The following CYP20A1 variants were observed in gnomAD, a reference collection of about 807,000 sequenced individuals.
CYP20A1 encodes cytochrome P450 20A1.
In CYP20A1, 61 loss-of-function variants were observed where a neutral mutation model predicts 61.4. The observed-to-expected ratio is 0.99, with a 90% CI of 0.81 to 1.23. The LOEUF (loss-of-function observed/expected upper bound fraction) is 1.23, where lower values mean the gene tolerates loss of function less well. Among genes scored for constraint, CYP20A1 ranks in the 50% most tolerant of loss-of-function variants. CYP20A1 has a pLI of 0.00. For missense variants in CYP20A1, 530 were observed against 542.4 expected (o/e 0.98, Z 0.23); for synonymous variants, 193 against 188.2 (o/e 1.03, Z -0.21).
intron 6 of CYP20A1, among the ~76,000 whole-genome samples, chr2:203,276,335 C>A (rs1316912874): frequency 6.6e-6 from 1 of 152,080 alleles, no homozygotes; most frequent in East Asian, 1.9e-4. Context: ...AAGCCACTGG[C>A]AGGTTTTGAG....
chr2:203,260,523 GT>G (rs917213866), intron 4 of CYP20A1, among the ~76,000 whole-genome samples: 1 of 151,736 alleles, frequency 6.6e-6, no homozygotes, highest in Non-Finnish European at 1.5e-5. Context: ...CGTCTGGCCT[GT>G]TTTTAATTTT....
At chr2:203,243,477 G>A (rs548144367) in intron 1 of CYP20A1, among the ~76,000 whole-genome samples, 4 of 151,448 alleles carry the variant, frequency 2.6e-5, no homozygotes, top group Admixed American at 1.3e-4. Context: ...TGCAACCTCC[G>A]CCTCCCGGGC....
chr2:203,278,003 G>A (rs985467656), intron 6 of CYP20A1, among the ~76,000 whole-genome samples: 8 of 151,992 alleles, frequency 5.3e-5, no homozygotes, highest in Admixed American at 1.3e-4. Context: ...GGCCAGGTGC[G>A]GGTGGCTCAC....
chr2:203,264,560 T>C (rs989580885), intron 4 of CYP20A1, among the ~76,000 whole-genome samples: 18 of 152,138 alleles, frequency 1.2e-4, no homozygotes, highest in Non-Finnish European at 1.2e-4. Flanking sequence ...TAGTATATAG[T>C]TGTATTTTTT....
intron 11 of CYP20A1, among the ~76,000 whole-genome samples, chr2:203,293,594 G>GT (rs2068640155): frequency 6.7e-6 from 1 of 148,180 alleles, no homozygotes; most frequent in Non-Finnish European, 1.5e-5. Flanking sequence ...ATTTCAATAG[G>GT]TTTTTGGGGA....
chr2:203,254,997 A>C (rs1038651774), intron 4 of CYP20A1, among the ~76,000 whole-genome samples: 3 of 152,074 alleles, frequency 2.0e-5, no homozygotes, highest in African/African-American at 7.2e-5. Flanking sequence ...TCTCCAAAAA[A>C]AAAAAGAGGA....
intron 1 of CYP20A1, among the ~76,000 whole-genome samples, chr2:203,240,392 A>G (rs12617502): frequency 6.6e-6 from 1 of 152,142 alleles, no homozygotes; most frequent in Admixed American, 6.6e-5. Context: ...TCTTAGCACT[A>G]GCTATGTGCC....
chr2:203,264,276 C>T (rs1490828227), intron 4 of CYP20A1, among the ~76,000 whole-genome samples: 8 of 152,034 alleles, frequency 5.3e-5, no homozygotes, highest in South Asian at 2.1e-4. Context: ...CATGAGCCAC[C>T]GTGTCTAGCC....
chr2:203,297,797 G>C lies in CYP20A1; in HGVS notation c.*889G>C, dbSNP rs1209149015. 6.6e-6 allele frequency: 1 copy of C among 152,116 alleles called. No individual in the cohort carries two copies. Among genetic ancestry groups the C allele is most frequent in the African/African-American group, 2.4e-5 (1 of 41,372 alleles). The allele number at this position is 152,116 out of a possible 1,614,324, so 9.4% of individuals were successfully genotyped here. On this transcript the variant is annotated 3_prime_UTR_variant, in exon 13 of 13. Transcript: ENST00000356079. ...ATTCGAGATCAGCCTGGCCAACATGGTGAAACCCCATCTCTACTGAAAAAC... is the reference window on the plus strand; with the variant it reads ...ATTCGAGATCAGCCTGGCCAACATGCTGAAACCCCATCTCTACTGAAAAAC...
At chr2:203,240,264 CAG>C (rs2066209574) in intron 1 of CYP20A1, among the ~76,000 whole-genome samples, 1 of 152,226 alleles carries the variant, frequency 6.6e-6, no homozygotes, top group African/African-American at 2.4e-5. Context: ...ACTACACAAT[CAG>C]GGACTTCCTG....
intron 5 of CYP20A1, among the ~76,000 whole-genome samples, chr2:203,268,197 C>A (rs1038548829): frequency 6.6e-6 from 1 of 152,100 alleles, no homozygotes; most frequent in Non-Finnish European, 1.5e-5. Flanking sequence ...CTAAATATTG[C>A]AGTTGATATT....
rs1183086697 is a variant in CYP20A1, at chr2:203,302,892, C to T, written c.*5984C>T. ...ATTTTTAGTAGAGATGGGGTTTTAC[C>T]GTGTTGGTCAGGCTGGTCCTGAACT... On this transcript the variant is annotated 3_prime_UTR_variant, in exon 13 of 13. Transcript: ENST00000356079. Among the ~76,000 whole-genome samples the T allele has an allele frequency of 4.6e-5, 7 of 152,028 alleles. No individual in the cohort carries two copies. Among genetic ancestry groups the T allele is most frequent in the Non-Finnish European group, 1.0e-4 (7 of 68,018 alleles).
chr2:203,266,965 A>C (rs1001297427), intron 5 of CYP20A1, among the ~76,000 whole-genome samples: 1 of 152,042 alleles, frequency 6.6e-6, no homozygotes, highest in Admixed American at 6.6e-5. Flanking sequence ...TCAGTGACAG[A>C]GTAAGACTTT....
At chr2:203,287,731 A>G (rs1008606932) in intron 9 of CYP20A1, among the ~76,000 whole-genome samples, 3 of 151,946 alleles carry the variant, frequency 2.0e-5, no homozygotes, top group Admixed American at 2.0e-4. Context: ...ATAATTTTTA[A>G]AAGTTTAAGC....
intron 1 of CYP20A1, among the ~76,000 whole-genome samples, chr2:203,240,550 T>C (rs1272628573): frequency 2.6e-5 from 4 of 151,980 alleles, no homozygotes; most frequent in Non-Finnish European, 5.9e-5. Flanking sequence ...TGGGGATAGG[T>C]AGATTGTTAT....
chr2:203,258,409 C>T (rs972156696), intron 4 of CYP20A1, among the ~76,000 whole-genome samples: 4 of 136,662 alleles, frequency 2.9e-5, no homozygotes, highest in African/African-American at 5.4e-5. Flanking sequence ...AAAAAAAAAA[C>T]GGTTAGTAAA....
At chr2:203,269,497 C>A (rs372627232) in intron 5 of CYP20A1, among the ~76,000 whole-genome samples, 3 of 139,466 alleles carry the variant, frequency 2.2e-5, no homozygotes, top group Non-Finnish European at 3.1e-5. Context: ...ATATATAGTT[C>A]TTTTTTTTTT....
At chr2:203,282,813 A>G (rs2152098377) in intron 8 of CYP20A1, among the ~76,000 whole-genome samples, 1 of 152,306 alleles carries the variant, frequency 6.6e-6, no homozygotes, top group Non-Finnish European at 1.5e-5. Context: ...CTTTTCTAAA[A>G]TAGGAGTTTA....
intron 5 of CYP20A1, among the ~76,000 whole-genome samples, chr2:203,270,669 G>A (rs2152080615): frequency 6.8e-6 from 1 of 147,162 alleles, no homozygotes; most frequent in South Asian, 2.1e-4. Context: ...TGTGCCTTGT[G>A]TTCTGTCATG....
Sources: gnomAD v4.1 joint callset for allele counts (sites outside exome capture counted in the v4.1 genomes callset) on GRCh38, gnomAD v4.1.1 for gene constraint, MANE v1.5 for transcripts, NCBI Gene and HGNC (gene_info 2026-07-23, HGNC 2026-07-21) for gene names.